FANCA: variants seen among roughly 807,000 people sequenced by gnomAD.
FANCA encodes the protein Fanconi anemia group A protein.
A neutral mutation model predicts 194.3 loss-of-function variants in FANCA; 236 were observed. That is an observed-to-expected ratio of 1.21 (90% CI 1.09 to 1.35). The LOEUF is 1.35. Among genes scored for constraint, FANCA ranks in the 40% most tolerant of loss-of-function variants. The probability of loss-of-function intolerance (pLI) is 0.00; values close to 1 mark genes in which losing one functional copy is unlikely to be tolerated. For missense variants in FANCA, 2,628 were observed against 1,813.9 expected (o/e 1.45, Z -8.15); for synonymous variants, 1,014 against 715.8 (o/e 1.42, Z -6.65).
At chr16:89,771,852 C>T in intron 22 of FANCA, 38 bp from the exon 23 acceptor site, 1 of 1,612,316 alleles carries the variant, frequency 6.2e-7, no homozygotes, top group Non-Finnish European at 8.5e-7. Context: ...GACAAGAACC[C>T]CGAAAGGAGG....
intron 30 of FANCA, among the ~76,000 whole-genome samples, chr16:89,757,472 G>C (rs926500231): frequency 6.6e-6 from 1 of 152,168 alleles, no homozygotes; most frequent in African/African-American, 2.4e-5. Context: ...ATTCTGCTCA[G>C]CCAAAGAAGC....
intron 10 of FANCA, among the ~76,000 whole-genome samples, chr16:89,796,329 G>A (rs1389741187): frequency 2.6e-5 from 4 of 152,162 alleles, no homozygotes; most frequent in South Asian, 2.1e-4. Flanking sequence ...AGGGCAGGCC[G>A]CGCCGCACCC....
intron 8 of FANCA, among the ~76,000 whole-genome samples, chr16:89,801,348 A>C (rs2040447004): frequency 6.6e-6 from 1 of 151,664 alleles, no homozygotes; most frequent in South Asian, 2.1e-4. Flanking sequence ...TGTCTCAAAA[A>C]AAAAAAAAAA....
chr16:89,811,593 A>G (rs1042815025), intron 3 of FANCA, among the ~76,000 whole-genome samples: 4 of 152,190 alleles, frequency 2.6e-5, no homozygotes, highest in African/African-American at 9.7e-5. Context: ...CCTCACTAAC[A>G]GCCTGCAGGC....
intron 36 of FANCA, 195 bp downstream of exon 36, chr16:89,744,764 C>T (rs1049725178): frequency 1.6e-6 from 1 of 626,300 alleles, no homozygotes; most frequent in East Asian, 2.9e-5. Flanking sequence ...TCAACTGATT[C>T]TCCTGCCTCG....
At chr16:89,759,692 G>C (rs1031922036) in intron 29 of FANCA, among the ~76,000 whole-genome samples, 1 of 152,176 alleles carries the variant, frequency 6.6e-6, no homozygotes, top group East Asian at 1.9e-4. Context: ...GCTCTGGAGA[G>C]GGAAGCTGCC....
chr16:89,743,393 A>T (rs1009139381), intron 36 of FANCA, among the ~76,000 whole-genome samples: 1 of 152,226 alleles, frequency 6.6e-6, no homozygotes, highest in Non-Finnish European at 1.5e-5. Flanking sequence ...AATTAATGAA[A>T]CAATGCTGTG....
At chr16:89,796,926 A>AG (rs2040267495) in intron 10 of FANCA, among the ~76,000 whole-genome samples, 1 of 152,122 alleles carries the variant, frequency 6.6e-6, no homozygotes, top group African/African-American at 2.4e-5. Context: ...TGGGAGGCCA[A>AG]GGGGGGCAGA....
chr16:89,748,873 C>T (rs902361747), intron 32 of FANCA, 106 bp from the exon 33 acceptor site: 16 of 901,458 alleles, frequency 1.8e-5, no homozygotes, highest in Non-Finnish European at 2.5e-5. Context: ...AACCCAGGGC[C>T]ACTGTTGGAA....
intron 32 of FANCA, 70 bp from the exon 33 acceptor site, chr16:89,748,837 T>A (rs2038481749): frequency 7.6e-7 from 1 of 1,314,926 alleles, no homozygotes. Flanking sequence ...GGGCTCAGAC[T>A]CTCAGAGCAG....
intron 24 of FANCA, 56 bp downstream of exon 24, chr16:89,770,508 G>A: frequency 2.7e-6 from 4 of 1,502,666 alleles, no homozygotes; most frequent in South Asian, 1.2e-5. Flanking sequence ...ACTTGGCCCA[G>A]CAAGAGGTGG....
chr16:89,764,897 T>A lies in FANCA; in HGVS notation c.2771A>T (p.Asp924Val). 6.2e-7 allele frequency: 1 copy of A among 1,614,002 alleles called. No homozygotes were observed. Among genetic ancestry groups the A allele is most frequent in the Non-Finnish European group, 8.5e-7 (1 of 1,179,930 alleles). The change falls in exon 28 of 43, where the codon GAT becomes GTT. Residue 924 changes from aspartate to valine, a missense_variant. Transcript: ENST00000389301. ...GAAGGAACGGTCACCTACGTGAACA[T>A]CTTCCTCTTTCAACACCTCTCGGAA... ...RTFREVLKEE[D>V]VHLTYQDWLH...
chr16:89,750,852 A>G (rs965727975), intron 31 of FANCA, among the ~76,000 whole-genome samples: 2 of 152,100 alleles, frequency 1.3e-5, no homozygotes, highest in Non-Finnish European at 2.9e-5. Context: ...ACCTCTGGCT[A>G]ACATTTTACC....
intron 15 of FANCA, among the ~76,000 whole-genome samples, chr16:89,783,478 G>C (rs1196219262): frequency 6.6e-6 from 1 of 151,498 alleles, no homozygotes; most frequent in African/African-American, 2.4e-5. Flanking sequence ...GGGAACCCAG[G>C]AGGCGGACCT....
At chr16:89,779,821 T>C (rs776636380) in intron 18 of FANCA, 48 bp downstream of exon 18, 1 of 1,514,422 alleles carries the variant, frequency 6.6e-7, no homozygotes, top group Non-Finnish European at 9.2e-7. Flanking sequence ...CAGAGCGCGG[T>C]CTGCACACAC....
intron 31 of FANCA, among the ~76,000 whole-genome samples, chr16:89,750,678 CAGG>C (rs2038556793): frequency 3.3e-5 from 5 of 151,960 alleles, no homozygotes; most frequent in Admixed American, 2.0e-4. Flanking sequence ...GAGGCAGAGG[CAGG>C]AGAATAGTTT....
chr16:89,769,106 C>G (rs1302858446), intron 26 of FANCA, among the ~76,000 whole-genome samples: 1 of 152,234 alleles, frequency 6.6e-6, no homozygotes, highest in African/African-American at 2.4e-5. Flanking sequence ...CTTCTAAGTT[C>G]TCTGTTATTC....
intron 6 of FANCA, among the ~76,000 whole-genome samples, chr16:89,807,655 C>T (rs569712840): frequency 8.5e-4 from 130 of 152,094 alleles, no homozygotes; most frequent in Non-Finnish European, 1.3e-3. Flanking sequence ...GAGGCAGAGG[C>T]GGGCAGATCC....
intron 38 of FANCA, chr16:89,740,329 CA>C: frequency 3.5e-6 from 2 of 564,310 alleles, no homozygotes; most frequent in Non-Finnish European, 6.3e-6. Flanking sequence ...ACCACGTCCT[CA>C]AATAAGACAT....
Sources: allele counts gnomAD v4.1 joint callset (sites outside exome capture counted in the v4.1 genomes callset), GRCh38; gene constraint gnomAD v4.1.1; transcripts MANE v1.5; gene names NCBI Gene and HGNC (gene_info 2026-07-23, HGNC 2026-07-21).